Variants in FAT4 observed in about 807,000 individuals in gnomAD.
FAT4 encodes protocadherin Fat 4.
A neutral mutation model predicts 303.9 loss-of-function variants in FAT4; 84 were observed. The ratio of observed to expected loss-of-function variants is 0.28; its 90% confidence interval spans 0.23 to 0.33. The LOEUF (loss-of-function observed/expected upper bound fraction) is 0.33, where lower values mean the gene tolerates loss of function less well. FAT4 is among the 10% of genes least tolerant of loss of function. The pLI is 1.00. For synonymous variants in FAT4, 2,307 were observed against 2,298.8 expected (o/e 1.00, Z -0.10); for missense variants, 6,005 against 6,146.8 (o/e 0.98, Z 0.77).
At chr4:125,454,264 G>C (rs954025828) in intron 10 of FAT4, among the ~76,000 whole-genome samples, 1 of 152,170 alleles carries the variant, frequency 6.6e-6, no homozygotes, top group African/African-American at 2.4e-5. Flanking sequence ...TTGGAGAATT[G>C]AATCACTTGA....
At chr4:125,453,227 G>T (rs1438304584) in intron 10 of FAT4, among the ~76,000 whole-genome samples, 1 of 152,096 alleles carries the variant, frequency 6.6e-6, no homozygotes, top group Non-Finnish European at 1.5e-5. Context: ...GATATTAAAG[G>T]ATAAAATATA....
intron 2 of FAT4, among the ~76,000 whole-genome samples, chr4:125,346,534 TGAAAAAGTAAA>T (rs1732011216): frequency 6.6e-6 from 1 of 151,938 alleles, no homozygotes; most frequent in Non-Finnish European, 1.5e-5. Flanking sequence ...AATTTTTTTT[TGAAAAAGTAAA>T]GAAAAAGTAT....
rs1166359390 is a variant in FAT4 at position 125,406,903 on chromosome 4, C to T, written c.5331C>T (p.Tyr1777=). The T allele has an allele frequency of 6.2e-6, 10 of 1,613,710 alleles. No individual in the cohort carries two copies. Among genetic ancestry groups the T allele is most frequent in the African/African-American group, 1.3e-5 (1 of 74,898 alleles). The change falls in exon 4 of 18, where the codon TAC becomes TAT. Residue 1777 remains tyrosine (Y), a synonymous_variant. Transcript: ENST00000394329. Reference sequence around the variant, plus strand: ...AGGGTGCAAATGCTCTCGTCACATACACTATCATTAGTGGAGCTGATGATA... The same window carrying T: ...AGGGTGCAAATGCTCTCGTCACATATACTATCATTAGTGGAGCTGATGATA... ...ADEGANALVT[Y]TIISGADDSF...
chr4:125,472,295 C>A (rs1483531042), intron 12 of FAT4, among the ~76,000 whole-genome samples: 1 of 152,018 alleles, frequency 6.6e-6, no homozygotes, highest in African/African-American at 2.4e-5. Context: ...CTTATATAGT[C>A]CTTAGACTGA....
chr4:125,426,994 A>G (rs1007668645), intron 7 of FAT4, among the ~76,000 whole-genome samples: 2 of 151,898 alleles, frequency 1.3e-5, no homozygotes, highest in Non-Finnish European at 2.9e-5. Flanking sequence ...ATTCTTAAAT[A>G]TATAATTTGA....
At chr4:125,405,237 C>T (rs1734546611) in intron 3 of FAT4, among the ~76,000 whole-genome samples, 1 of 152,056 alleles carries the variant, frequency 6.6e-6, no homozygotes, top group Non-Finnish European at 1.5e-5. Context: ...GTTTCCAAAT[C>T]ATGACCATTG....
intron 2 of FAT4, among the ~76,000 whole-genome samples, chr4:125,361,397 A>C (rs760081196): frequency 1.3e-5 from 2 of 152,164 alleles, no homozygotes; most frequent in African/African-American, 2.4e-5. Context: ...ATGGCATGTG[A>C]CAGTCAATGG....
rs576642349 is a variant in FAT4 at position 125,405,510 on chromosome 4, G to C, written c.5308-1370G>C. 2.6e-5 allele frequency among the ~76,000 whole-genome samples: 4 copies of C among 151,038 alleles called. No individual in the cohort carries two copies. The South Asian group carries it at 6.3e-4, about 24-fold the overall frequency. ...GACACTGAGTATTTTTTATATACTT[G>C]TTGGCCTTTTTTTTTTTGAGACAAG... On this transcript the variant is annotated intron_variant, in intron 3 of 17. Coordinates refer to ENST00000394329, the MANE Select transcript of FAT4 (RefSeq NM_001291303.3).
chr4:125,324,906 A>G (rs1478035565), intron 2 of FAT4, among the ~76,000 whole-genome samples: 2 of 152,134 alleles, frequency 1.3e-5, no homozygotes, highest in Non-Finnish European at 2.9e-5. Context: ...GTTTTAAAAA[A>G]GTTTATTTTT....
In FAT4 at chr4:125,339,134, T is replaced by G. The variant is rs28386183; in HGVS notation, c.5175+17548T>G. On this transcript the variant is annotated intron_variant, in intron 2 of 17. Coordinates refer to ENST00000394329, the MANE Select transcript of FAT4 (RefSeq NM_001291303.3). The stretch of plus-strand genomic sequence containing the variant: ...ATTTTTACATCCTGGTCAGGAAATA[T>G]AATTATTCATCTCTCTACAACATTA... Among the ~76,000 whole-genome samples, 1,050 of 152,300 alleles carry G rather than the reference T, an allele frequency of 6.9e-3. 18 individuals are homozygous for G. The highest frequency in any genetic ancestry group is 0.024 in the African/African-American group (1,011 of 41,564).
rs138057366 is a variant in FAT4 at position 125,490,364 on chromosome 4, C to A, written c.13548C>A (p.Thr4516=). Residue 4516 remains threonine, a synonymous_variant, in exon 18 of 18, where the codon ACC becomes ACA. Transcript: ENST00000394329. ...AVPAIVGSCA[T]VLALLVLSLI... ...CTGCCATCGTGGGCAGCTGCGCAAC[C>A]GTCTTGGCCCTCCTGGTCCTTAGCC... 3.2e-5 allele frequency: 52 copies of A among 1,613,938 alleles called. No individual in the cohort carries two copies. Among genetic ancestry groups the A allele is most frequent in the Non-Finnish European group, 2.5e-5 (30 of 1,180,026 alleles).
At chr4:125,486,463 C>T (rs1033026821) in intron 16 of FAT4, among the ~76,000 whole-genome samples, 1 of 152,018 alleles carries the variant, frequency 6.6e-6, no homozygotes, top group Admixed American at 6.5e-5. Context: ...TAAACTGATC[C>T]ATCTTTTCAT....
chr4:125,322,833 A>G (rs985052345), intron 2 of FAT4, among the ~76,000 whole-genome samples: 1 of 151,960 alleles, frequency 6.6e-6, no homozygotes, highest in Non-Finnish European at 1.5e-5. Flanking sequence ...GACCATATTA[A>G]TTAGAGATAT....
chr4:125,468,680 C>G lies in FAT4; in HGVS notation c.12074C>G (p.Ala4025Gly). ...YNYDNQTGDR[A>G]EFLALEIAEE... ...TATGACAACCAGACAGGCGACCGGGCTGAGTTTTTGGCCCTTGAAATTGCC... is the reference window on the plus strand; with the variant it reads ...TATGACAACCAGACAGGCGACCGGGGTGAGTTTTTGGCCCTTGAAATTGCC... The change falls in exon 12 of 18, where the codon GCT becomes GGT. Residue 4025 changes from alanine (A) to glycine (G), a missense_variant. By Grantham distance (60) the Ala-to-Gly change is moderately conservative. Coordinates refer to ENST00000394329, the MANE Select transcript of FAT4 (RefSeq NM_001291303.3). 6.2e-7 allele frequency: 1 copy of G among 1,614,138 alleles called. No homozygotes were observed. The highest frequency in any genetic ancestry group is 8.5e-7 in the Non-Finnish European group (1 of 1,180,014).
intron 3 of FAT4, 65 bp downstream of exon 3, chr4:125,398,980 A>C: frequency 6.7e-7 from 1 of 1,493,620 alleles, no homozygotes; most frequent in South Asian, 1.1e-5. Context: ...AATTTCTAGG[A>C]TATGTTGACT....
chr4:125,412,094 A>T (rs1027203169), intron 5 of FAT4, among the ~76,000 whole-genome samples: 34 of 151,846 alleles, frequency 2.2e-4, no homozygotes, highest in Non-Finnish European at 3.2e-4. Flanking sequence ...TAATGTGTTT[A>T]CTGTCTCATG....
chr4:125,449,843 A>T lies in FAT4; in HGVS notation c.8833A>T (p.Asn2945Tyr). 6.2e-7 allele frequency: 1 copy of T among 1,613,962 alleles called. No homozygotes were observed. Among genetic ancestry groups the T allele is most frequent in the Non-Finnish European group, 8.5e-7 (1 of 1,179,884 alleles). Residue 2945 changes from asparagine to tyrosine, a missense_variant, in exon 10 of 18, where the codon AAT (asparagine) becomes TAT (tyrosine). Asn to Tyr is a moderately radical substitution (Grantham distance 143). Coordinates refer to ENST00000394329, the MANE Select transcript of FAT4 (RefSeq NM_001291303.3). ...ATACCAAAATGTCACTGGCTTCAGT[A>T]ATGTGAATATCAACAGGCATAGTTT... is the stretch of plus-strand genomic sequence containing the variant. ...LKYQNVTGFS[N>Y]VNINRHSFIV... is the part of the protein sequence containing the mutation.
At chr4:125,468,341 C>G (rs1466185375) in intron 11 of FAT4, among the ~76,000 whole-genome samples, 171 bp from the exon 12 acceptor site, 1 of 151,944 alleles carries the variant, frequency 6.6e-6, no homozygotes, top group Non-Finnish European at 1.5e-5. Flanking sequence ...AAAGATCATT[C>G]ATTCATAAAG....
intron 2 of FAT4, among the ~76,000 whole-genome samples, chr4:125,375,466 C>T (rs1332490259): frequency 6.6e-6 from 1 of 152,222 alleles, no homozygotes; most frequent in Non-Finnish European, 1.5e-5. Flanking sequence ...ATGTCACTGA[C>T]ATTCTTGCCC....
Sources: gnomAD v4.1 joint callset for allele counts (sites outside exome capture counted in the v4.1 genomes callset) on GRCh38, gnomAD v4.1.1 for gene constraint, MANE v1.5 for transcripts, NCBI Gene and HGNC (gene_info 2026-07-23, HGNC 2026-07-21) for gene names.